The following ACTL6B variants were observed in gnomAD, a reference collection of about 807,000 sequenced individuals.
The protein encoded by ACTL6B is actin-like protein 6B.
ACTL6B carries 48 observed loss-of-function variants against 63.3 expected under a neutral mutation model. The observed-to-expected ratio is 0.76, with a 90% CI of 0.60 to 0.96. The LOEUF (loss-of-function observed/expected upper bound fraction) is 0.96. Among genes scored for constraint, ACTL6B ranks in the 50% least tolerant of loss-of-function variants. The pLI, the probability that ACTL6B is intolerant of heterozygous loss-of-function variation, is 0.00. For missense variants in ACTL6B, 350 were observed against 572.2 expected, an observed-to-expected ratio of 0.61 and a Z score of 3.96; for synonymous variants, 230 against 223.8, an observed-to-expected ratio of 1.03 and a Z score of -0.25.
intron 4 of ACTL6B, 60 bp downstream of exon 4, chr7:100,654,952 AGGTGGAT>A: frequency 7.6e-7 from 1 of 1,323,976 alleles, no homozygotes; most frequent in Non-Finnish European, 1.1e-6. Context: ...AGAGGAGGAG[AGGTGGAT>A]GGTGGGAAGG....
In ACTL6B at chr7:100,648,420, A is replaced by C; in HGVS notation, c.669+136T>G. On this transcript the variant is annotated intron_variant, in intron 7 of 13. Coordinates refer to ENST00000160382, the MANE Select transcript of ACTL6B (RefSeq NM_016188.5). The surrounding 1 kb of genome is among the most constrained non-coding windows in gnomAD (Gnocchi z 4.4). ...CTGGATTTCGGATGCCTCGATTATA[A>C]AAGGAGGAACTGGAGCCAGGACCCA... 1 of 734,366 alleles carries C rather than the reference A, an allele frequency of 1.4e-6. No individual in the cohort carries two copies. Among genetic ancestry groups the C allele is most frequent in the South Asian group, 2.1e-5 (1 of 48,140 alleles). 45.5% of individuals were successfully genotyped at this position (734,366 alleles called of 1,614,324 possible).
chr7:100,653,484 T>TA lies in ACTL6B; in HGVS notation c.369+1534dup, dbSNP rs201517150. Among the ~76,000 whole-genome samples, 532 of 151,986 alleles carry TA rather than the reference T, an allele frequency of 3.5e-3. 25 individuals carry two copies. The East Asian group carries it at 0.092, about 26-fold the overall frequency. ...GGACAACATGATGAAACCCTGTCTC[T>TA]AAAAAAAATTTAAAAATCAGCTGGG... On this transcript the variant is annotated intron_variant, in intron 4 of 13. Coordinates refer to ENST00000160382, the MANE Select transcript of ACTL6B (RefSeq NM_016188.5).
At position 100,655,624 on chromosome 7, in the gene ACTL6B, G is replaced by A. The variant is rs1196282893; in HGVS notation, c.103-38C>T. On this transcript the variant is annotated intron_variant, in intron 2 of 13. Transcript: ENST00000160382. This position sits in a 1 kb window ranked among gnomAD's most constrained non-coding sequence, Gnocchi z 4.4. ...GGTTGGGGGAGTATTGGCAGGGAGA[G>A]AGGTCACCCTCTTGCCCCTGTCCAG... is the stretch of plus-strand genomic sequence containing the variant. The A allele has an allele frequency of 8.2e-6, 13 of 1,593,170 alleles. No individual in the cohort carries two copies. Among genetic ancestry groups the A allele is most frequent in the Admixed American group, 3.4e-5 (2 of 58,542 alleles).
chr7:100,648,351 G>T lies in ACTL6B; in HGVS notation c.669+205C>A. 1 of 521,966 alleles carries T rather than the reference G, an allele frequency of 1.9e-6. No individual in the cohort carries two copies. The allele number at this position is 521,966 out of a possible 1,614,324, so 32.3% of individuals were successfully genotyped here. A position where few individuals can be genotyped will look rare whatever the true frequency, so the allele number is the denominator to read the frequency against. On this transcript the variant is annotated intron_variant, in intron 7 of 13. Coordinates refer to ENST00000160382, the MANE Select transcript of ACTL6B (RefSeq NM_016188.5). The surrounding 1 kb of genome is among the most constrained non-coding windows in gnomAD (Gnocchi z 4.4). ...CACACTGGCCCTCACACATCCTGCTGTCTGCCAGCTGGTTTCATGACCTCA... is the reference window on the plus strand; with the variant it reads ...CACACTGGCCCTCACACATCCTGCTTTCTGCCAGCTGGTTTCATGACCTCA...
At position 100,646,086 on chromosome 7, in the gene ACTL6B, G is replaced by C. The variant is rs1035264677; in HGVS notation, c.1200+163C>G. Reference sequence around the variant, plus strand: ...ATACCGGGCCCCTGCCCCCCGATTTGTGTCCTGTTCACCCTTCTGGGAACA... The same window carrying C: ...ATACCGGGCCCCTGCCCCCCGATTTCTGTCCTGTTCACCCTTCTGGGAACA... On this transcript the variant is annotated intron_variant, in intron 13 of 13. Transcript: ENST00000160382. The surrounding 1 kb of genome is among the most constrained non-coding windows in gnomAD (Gnocchi z 6.1). Among the ~76,000 whole-genome samples, 3 of 152,328 alleles carry C rather than the reference G, an allele frequency of 2.0e-5. No individual in the cohort carries two copies. The highest frequency in any genetic ancestry group is 2.0e-4 in the Admixed American group (3 of 15,296).
Position 100,646,870 on chromosome 7 carries a change from C to G in ACTL6B, c.937-39G>C, listed in dbSNP as rs1227715634. On this transcript the variant is annotated intron_variant, in intron 10 of 13. Coordinates refer to ENST00000160382, the MANE Select transcript of ACTL6B (RefSeq NM_016188.5). The surrounding 1 kb of genome is among the most constrained non-coding windows in gnomAD (Gnocchi z 6.1). ...TGACTGGGGCTGTGGGCTCTCTCCC[C>G]CTTCCCCCCAGACCCCTGCAATCCT... 12 of 1,603,612 alleles carry G rather than the reference C, an allele frequency of 7.5e-6. No individual in the cohort carries two copies. In the South Asian group the frequency reaches 8.9e-5, roughly 12 times the overall value.
chr7:100,654,736 C>T (rs1804005789), intron 4 of ACTL6B, among the ~76,000 whole-genome samples: 1 of 151,282 alleles, frequency 6.6e-6, no homozygotes, highest in South Asian at 2.1e-4. Flanking sequence ...CTCACCATTG[C>T]ACTCCAGCCT....
In ACTL6B at chr7:100,646,219, C is replaced by A; in HGVS notation, c.1200+30G>T. ...CTGGGTCTCCCCTCTCCCCCACAGT[C>A]AGTGCTAGGCCAGGTCCCTTTCCTC... On this transcript the variant is annotated intron_variant, in intron 13 of 13. Coordinates refer to ENST00000160382, the MANE Select transcript of ACTL6B (RefSeq NM_016188.5). This position sits in a 1 kb window ranked among gnomAD's most constrained non-coding sequence, Gnocchi z 6.1. 1 of 1,598,446 alleles carries A rather than the reference C, an allele frequency of 6.3e-7. No homozygotes were observed. The highest frequency in any genetic ancestry group is 1.1e-5 in the South Asian group (1 of 89,504).
At position 100,648,785 on chromosome 7, in the gene ACTL6B, C is replaced by T; in HGVS notation, c.506G>A (p.Ser169Asn). ...AATGGCCGTGGTGTGGGTGGCTCCA[C>T]TGTCCAGCACGAGGCCAGTGGACCG... Reference protein sequence around the residue: ...NGRSTGLVLDSGATHTTAIPV... With the variant: ...NGRSTGLVLDNGATHTTAIPV... Residue 169 changes from serine (S) to asparagine (N), a missense_variant, in exon 6 of 14, where the codon AGT (serine) becomes AAT (asparagine). By Grantham distance (46) the Ser-to-Asn change is conservative (BLOSUM62 1). Coordinates refer to ENST00000160382, the MANE Select transcript of ACTL6B (RefSeq NM_016188.5). The surrounding 1 kb of genome is among the most constrained non-coding windows in gnomAD (Gnocchi z 4.4). The T allele has an allele frequency of 1.2e-6, 2 of 1,614,088 alleles. No individual in the cohort carries two copies. Among genetic ancestry groups the T allele is most frequent in the Non-Finnish European group, 1.7e-6 (2 of 1,180,002 alleles).
intron 4 of ACTL6B, 100 bp from the exon 5 acceptor site, chr7:100,650,235 A>C (rs1432143388): frequency 1.1e-4 from 95 of 883,560 alleles, no homozygotes; most frequent in Non-Finnish European, 1.2e-4. Flanking sequence ...ACTCACGGTC[A>C]CACACACACA....
chr7:100,649,273 T>C (rs1481580925), intron 5 of ACTL6B, among the ~76,000 whole-genome samples: 2 of 151,624 alleles, frequency 1.3e-5, no homozygotes, highest in Non-Finnish European at 2.9e-5. Context: ...ATTACAGGCA[T>C]GAGCCACCAC....
rs776973834 is a variant in ACTL6B at position 100,648,509 on chromosome 7, G to T, written c.669+47C>A. 1.4e-5 allele frequency: 21 copies of T among 1,478,950 alleles called. No homozygotes were observed. In the South Asian group the frequency reaches 2.8e-4, roughly 19 times the overall value. The allele number at this position is 1,478,950 out of a possible 1,614,324, so 91.6% of individuals were successfully genotyped here. A position where few individuals can be genotyped will look rare whatever the true frequency, so the allele number is the denominator to read the frequency against. On this transcript the variant is annotated intron_variant, in intron 7 of 13. Transcript: ENST00000160382. The surrounding 1 kb of genome is among the most constrained non-coding windows in gnomAD (Gnocchi z 4.4). Reference sequence around the variant, plus strand: ...GTCAGAGGGTTGACGGCCATGGGGCGAGTGGCCAGGACTCTAGTGGCAGCT... The same window carrying T: ...GTCAGAGGGTTGACGGCCATGGGGCTAGTGGCCAGGACTCTAGTGGCAGCT...
chr7:100,653,245 G>C (rs140711669), intron 4 of ACTL6B, among the ~76,000 whole-genome samples: 2,278 of 152,012 alleles, frequency 0.015, 20 homozygotes, highest in Middle Eastern at 0.024. Flanking sequence ...ACAGGAGTTT[G>C]AAGCCAGCCT....
chr7:100,647,425 G>T lies in ACTL6B; in HGVS notation c.759+19C>A, dbSNP rs1584468317. On this transcript the variant is annotated intron_variant, in intron 8 of 13. Transcript: ENST00000160382. The surrounding 1 kb of genome is among the most constrained non-coding windows in gnomAD (Gnocchi z 4.4). ...TGGCAGGGGAGGGGGGTTTCAGGTG[G>T]CCCTCTCCAGAGGCTCACATTACAC... 1 of 1,606,520 alleles carries T rather than the reference G, an allele frequency of 6.2e-7. No individual in the cohort carries two copies. The highest frequency in any genetic ancestry group is 8.5e-7 in the Non-Finnish European group (1 of 1,173,896).
Position 100,655,885 on chromosome 7 carries a change from C to T in ACTL6B, c.26-6G>A, listed in dbSNP as rs1015316830. ...GACCAGCGCCCCCACCTCATCTGTG[C>T]GGGGAGACAGGCCTGTAAGGGGACC... On this transcript the variant is annotated splice_region_variant and splice_polypyrimidine_tract_variant and intron_variant, in intron 1 of 13. Transcript: ENST00000160382. The surrounding 1 kb of genome is among the most constrained non-coding windows in gnomAD (Gnocchi z 4.4). 6.4e-7 allele frequency: 1 copy of T among 1,564,198 alleles called. No homozygotes were observed. Among genetic ancestry groups the T allele is most frequent in the Non-Finnish European group, 8.7e-7 (1 of 1,153,996 alleles).
chr7:100,646,292 C>T lies in ACTL6B; in HGVS notation c.1157G>A (p.Arg386His). Reference protein sequence around the residue: ...KLIASNSTMERKFSPWIGGSI... With the variant: ...KLIASNSTMEHKFSPWIGGSI... ...ACCCCCGATCCAGGGGCTGAACTTG[C>T]GCTCCATGGTGCTGTTGCTGGCAAT... Residue 386 changes from arginine to histidine, a missense_variant, in exon 13 of 14, where the codon CGC (arginine) becomes CAC (histidine). Around this residue, in one of 3 missense-constraint regions of ACTL6B, gnomAD observed 76 missense variants for 126.1 expected, o/e 0.60. Coordinates refer to ENST00000160382, the MANE Select transcript of ACTL6B (RefSeq NM_016188.5). This position sits in a 1 kb window ranked among gnomAD's most constrained non-coding sequence, Gnocchi z 6.1. 3 of 1,614,074 alleles carry T rather than the reference C, an allele frequency of 1.9e-6. No individual in the cohort carries two copies. The highest frequency in any genetic ancestry group is 2.5e-6 in the Non-Finnish European group (3 of 1,179,994).
intron 4 of ACTL6B, among the ~76,000 whole-genome samples, chr7:100,652,258 C>T (rs754102045): frequency 2.6e-4 from 39 of 151,550 alleles, no homozygotes; most frequent in Non-Finnish European, 3.8e-4. Context: ...ATTAGCCGGG[C>T]GTGGTGGTGG....
At position 100,647,237 on chromosome 7, in the gene ACTL6B, G is replaced by A; in HGVS notation, c.807C>T (p.Ser269=). The change falls in exon 9 of 14, where the codon TCC becomes TCT. Residue 269 remains serine (S), a synonymous_variant. Transcript: ENST00000160382. The surrounding 1 kb of genome is among the most constrained non-coding windows in gnomAD (Gnocchi z 4.4). ...GCCACACTCACTGTTCATCGTAGGG[G>A]GAGTCTGAGACCTGCAGCACGGAGG... The part of the protein sequence containing the change: ...FQASVLQVSD[S]PYDEQVAAQM... 1.2e-6 allele frequency: 2 copies of A among 1,613,498 alleles called. No homozygotes were observed. Among genetic ancestry groups the A allele is most frequent in the South Asian group, 1.1e-5 (1 of 91,064 alleles).
Position 100,647,493 on chromosome 7 carries a change from T to G in ACTL6B, c.710A>C (p.Lys237Thr). The part of the protein sequence containing the change: ...REGAPPNWKK[K>T]EKLPQVSKSW... ...CTTGGAGACCTGGGGTAGCTTCTCC[T>G]TCTTCTTCCAGTTTGGGGGGGCACC... Residue 237 changes from lysine to threonine, a missense_variant, in exon 8 of 14, where the codon AAG (lysine) becomes ACG (threonine). By Grantham distance (78) the Lys-to-Thr change is moderately conservative. Coordinates refer to ENST00000160382, the MANE Select transcript of ACTL6B (RefSeq NM_016188.5). This position sits in a 1 kb window ranked among gnomAD's most constrained non-coding sequence, Gnocchi z 4.4. 1.2e-6 allele frequency: 2 copies of G among 1,611,034 alleles called. No homozygotes were observed. Among genetic ancestry groups the G allele is most frequent in the Non-Finnish European group, 1.7e-6 (2 of 1,178,468 alleles).
Sources: allele counts gnomAD v4.1 joint callset (sites outside exome capture counted in the v4.1 genomes callset), GRCh38; gene constraint gnomAD v4.1.1; regional missense constraint gnomAD v4.1.1; non-coding constraint Gnocchi (gnomAD v3.1); transcripts MANE v1.5; gene names NCBI Gene and HGNC (gene_info 2026-07-23, HGNC 2026-07-21).